Variants in ADAMTS20 observed in about 807,000 individuals in gnomAD.
ADAMTS20 encodes the protein A disintegrin and metalloproteinase with thrombospondin motifs 20.
ADAMTS20 carries 225 observed loss-of-function variants against 260.1 expected under a neutral mutation model. That is an observed-to-expected ratio of 0.87 (90% CI 0.78 to 0.97). The LOEUF (loss-of-function observed/expected upper bound fraction) is 0.97, where lower values mean the gene tolerates loss of function less well. Ranked by LOEUF, ADAMTS20 falls within the 50% of genes least tolerant of loss-of-function variation. ADAMTS20 has a pLI of 0.00. For missense variants in ADAMTS20, 2,400 were observed against 2,337.7 expected (o/e 1.03, Z -0.55); for synonymous variants, 802 against 769.5 (o/e 1.04, Z -0.70).
chr12:43,385,570 T>G (rs1407099637), intron 29 of ADAMTS20, among the ~76,000 whole-genome samples: 1 of 152,234 alleles, frequency 6.6e-6, no homozygotes, highest in Non-Finnish European at 1.5e-5. Context: ...TTTAGAGATG[T>G]TATGGTTTTA....
chr12:43,472,294 T>A (rs1052386604), intron 7 of ADAMTS20, among the ~76,000 whole-genome samples: 1 of 151,832 alleles, frequency 6.6e-6, no homozygotes, highest in Non-Finnish European at 1.5e-5. Flanking sequence ...GAAAAAAGAA[T>A]GAAAAGAAAT....
chr12:43,473,999 G>A (rs1189698542), intron 7 of ADAMTS20, among the ~76,000 whole-genome samples: 4 of 149,082 alleles, frequency 2.7e-5, no homozygotes, highest in African/African-American at 9.9e-5. Context: ...GAGCAGAACT[G>A]AAGGAAATAG....
intron 29 of ADAMTS20, among the ~76,000 whole-genome samples, chr12:43,385,809 T>C (rs763885580): frequency 4.6e-5 from 7 of 152,124 alleles, no homozygotes; most frequent in Non-Finnish European, 1.0e-4. Flanking sequence ...TCATTGGCTA[T>C]TAATTACTAC....
intron 28 of ADAMTS20, among the ~76,000 whole-genome samples, chr12:43,410,016 T>C (rs1941002063): frequency 6.6e-6 from 1 of 152,162 alleles, no homozygotes; most frequent in Non-Finnish European, 1.5e-5. Flanking sequence ...ATCTTCAAGC[T>C]AGAATTTTAT....
intron 29 of ADAMTS20, among the ~76,000 whole-genome samples, chr12:43,386,672 C>G (rs1160982819): frequency 6.6e-6 from 1 of 152,172 alleles, no homozygotes; most frequent in Non-Finnish European, 1.5e-5. Flanking sequence ...TTCTTGGAGG[C>G]TTTGTTCACT....
chr12:43,381,139 G>A (rs1194104912), intron 31 of ADAMTS20, among the ~76,000 whole-genome samples: 1 of 152,052 alleles, frequency 6.6e-6, no homozygotes, highest in Non-Finnish European at 1.5e-5. Context: ...TAATTCAATG[G>A]GGGAAAGAAT....
chr12:43,485,616 G>A (rs1942511882), intron 7 of ADAMTS20, among the ~76,000 whole-genome samples: 2 of 152,090 alleles, frequency 1.3e-5, no homozygotes, highest in Admixed American at 1.3e-4. Flanking sequence ...AATTGGAAAA[G>A]TGGAAGTCAA....
chr12:43,525,885 A>G (rs540823860), intron 3 of ADAMTS20, among the ~76,000 whole-genome samples: 1 of 152,326 alleles, frequency 6.6e-6, no homozygotes, highest in South Asian at 2.1e-4. Flanking sequence ...TAAAACAATT[A>G]CTACTAGACC....
intron 37 of ADAMTS20, among the ~76,000 whole-genome samples, chr12:43,362,830 G>GA (rs796818223): frequency 0.1 from 8,947 of 88,916 alleles, 447 homozygotes; most frequent in African/African-American, 0.2. Flanking sequence ...AGTATAATTA[G>GA]AAAAAAAAAA....
chr12:43,485,792 T>C (rs1360387248), intron 7 of ADAMTS20, among the ~76,000 whole-genome samples: 1 of 151,900 alleles, frequency 6.6e-6, no homozygotes, highest in Non-Finnish European at 1.5e-5. Context: ...AAGCAGAGAA[T>C]CAAATCAAGA....
intron 29 of ADAMTS20, among the ~76,000 whole-genome samples, chr12:43,398,478 A>C (rs1488193578): frequency 2.0e-5 from 3 of 152,030 alleles, no homozygotes; most frequent in African/African-American, 7.2e-5. Flanking sequence ...TAGGCTATCT[A>C]TCTCTGACAA....
At chr12:43,410,084 A>G (rs574493393) in intron 28 of ADAMTS20, among the ~76,000 whole-genome samples, 6 of 152,358 alleles carry the variant, frequency 3.9e-5, no homozygotes, top group South Asian at 2.1e-4. Context: ...GTTTGCACAG[A>G]AGGAAAATTG....
chr12:43,470,410 T>TAA (rs1254833023), intron 7 of ADAMTS20, among the ~76,000 whole-genome samples: 2 of 152,156 alleles, frequency 1.3e-5, no homozygotes, highest in Non-Finnish European at 2.9e-5. Flanking sequence ...AAGAGATTTG[T>TAA]AAAAATATGT....
At chr12:43,542,448 T>C (rs959335713) in intron 2 of ADAMTS20, among the ~76,000 whole-genome samples, 4 of 152,224 alleles carry the variant, frequency 2.6e-5, no homozygotes, top group Non-Finnish European at 5.9e-5. Context: ...TTTCCTAGTT[T>C]ATTTTTAAAA....
rs555706588 is a variant in ADAMTS20, at chr12:43,460,587, C to G, written c.1614+2308G>C. On this transcript the variant is annotated intron_variant, in intron 11 of 38. Coordinates refer to ENST00000389420, the MANE Select transcript of ADAMTS20 (RefSeq NM_025003.5). Reference sequence around the variant, plus strand: ...ACCCTATAATCCAGCAATTCTACACCAAGAGAAACACAAACGTATGTCTAC... The same window carrying G: ...ACCCTATAATCCAGCAATTCTACACGAAGAGAAACACAAACGTATGTCTAC... Among the ~76,000 whole-genome samples the G allele has an allele frequency of 3.3e-5, 5 of 152,100 alleles. No individual in the cohort carries two copies. The East Asian group carries it at 9.7e-4, about 29-fold the overall frequency.
intron 18 of ADAMTS20, among the ~76,000 whole-genome samples, chr12:43,438,681 C>G (rs767791624): frequency 6.6e-6 from 1 of 152,190 alleles, no homozygotes; most frequent in African/African-American, 2.4e-5. Context: ...CCGCCTCTTG[C>G]TGCCCACTTT....
At chr12:43,372,837 G>A (rs1031453586) in intron 36 of ADAMTS20, among the ~76,000 whole-genome samples, 1 of 152,202 alleles carries the variant, frequency 6.6e-6, no homozygotes, top group Non-Finnish European at 1.5e-5. Flanking sequence ...AGATGTGGCA[G>A]TGGGAACTTG....
chr12:43,430,017 C>G (rs1941409798), intron 23 of ADAMTS20, among the ~76,000 whole-genome samples: 1 of 151,988 alleles, frequency 6.6e-6, no homozygotes, highest in Non-Finnish European at 1.5e-5. Context: ...ACACAAAACT[C>G]TACCTTAAAA....
chr12:43,450,009 G>A (rs1040706362), intron 14 of ADAMTS20, among the ~76,000 whole-genome samples: 4 of 152,114 alleles, frequency 2.6e-5, no homozygotes, highest in African/African-American at 9.7e-5. Context: ...AGAGACTAAA[G>A]TATGAGTATG....
Sources: allele counts gnomAD v4.1 joint callset (sites outside exome capture counted in the v4.1 genomes callset), GRCh38; gene constraint gnomAD v4.1.1; transcripts MANE v1.5; gene names NCBI Gene and HGNC (gene_info 2026-07-23, HGNC 2026-07-21).